The following SUPT3H variants were observed in gnomAD, a reference collection of about 807,000 sequenced individuals.
The protein encoded by SUPT3H is SPT3 homolog, SAGA and STAGA complex component.
A neutral mutation model predicts 44.3 loss-of-function variants in SUPT3H; 44 were observed. The ratio of observed to expected loss-of-function variants is 0.99; its 90% CI spans 0.78 to 1.28. The LOEUF is 1.28. Among genes scored for constraint, SUPT3H ranks in the 50% most tolerant of loss-of-function variants. The pLI is 0.00. For synonymous variants in SUPT3H, 124 were observed against 125.6 expected (o/e 0.99, Z 0.09); for missense variants, 380 against 387.1 (o/e 0.98, Z 0.15).
At chr6:45,079,625 G>A (rs1253168512) in intron 3 of SUPT3H, among the ~76,000 whole-genome samples, 1 of 152,160 alleles carries the variant, frequency 6.6e-6, no homozygotes, top group African/African-American at 2.4e-5. Flanking sequence ...GAACAGAAAA[G>A]AGAACCCAGA....
chr6:45,345,753 G>A (rs941870680), intron 2 of SUPT3H, among the ~76,000 whole-genome samples: 12 of 152,146 alleles, frequency 7.9e-5, no homozygotes, highest in Admixed American at 1.3e-4. Flanking sequence ...AATGCACACC[G>A]TACCTTTATC....
chr6:45,331,076 C>T (rs556662124), intron 2 of SUPT3H, among the ~76,000 whole-genome samples: 14 of 151,818 alleles, frequency 9.2e-5, no homozygotes, highest in African/African-American at 3.1e-4. Context: ...CACACATTAA[C>T]AACTGCTTCA....
intron 2 of SUPT3H, among the ~76,000 whole-genome samples, chr6:45,243,370 T>C (rs1047490245): frequency 6.6e-6 from 1 of 151,368 alleles, no homozygotes. Context: ...AGTCAGCCAA[T>C]GAAAAGAAAT....
intron 2 of SUPT3H, chr6:45,159,369 A>C (rs1000037781): frequency 1.3e-5 from 2 of 152,190 alleles, no homozygotes; most frequent in African/African-American, 2.4e-5. Context: ...TTGGCTGCCT[A>C]ATTAGGCCTC....
intron 10 of SUPT3H, among the ~76,000 whole-genome samples, chr6:44,918,082 T>C (rs1768094041): frequency 6.6e-6 from 1 of 152,122 alleles, no homozygotes; most frequent in Non-Finnish European, 1.5e-5. Flanking sequence ...AAATGATGCA[T>C]CATTTTGCCA....
At chr6:45,057,549 A>C (rs1009350013) in intron 3 of SUPT3H, among the ~76,000 whole-genome samples, 2 of 152,184 alleles carry the variant, frequency 1.3e-5, no homozygotes, top group Admixed American at 6.5e-5. Flanking sequence ...TGAAATGCTA[A>C]ACTAAGCTTT....
At chr6:44,970,288 T>C (rs1464152879) in intron 6 of SUPT3H, among the ~76,000 whole-genome samples, 1 of 152,150 alleles carries the variant, frequency 6.6e-6, no homozygotes, top group African/African-American at 2.4e-5. Flanking sequence ...AAAAACCATA[T>C]GTAATAAAAT....
At chr6:45,185,060 T>C (rs1019548846) in intron 2 of SUPT3H, among the ~76,000 whole-genome samples, 26 of 152,162 alleles carry the variant, frequency 1.7e-4, no homozygotes, top group African/African-American at 6.0e-4. Context: ...ATCTACCAGA[T>C]AGGCTAAGGG....
chr6:45,322,871 T>C (rs761193997), intron 2 of SUPT3H: 1 of 1,610,374 alleles, frequency 6.2e-7, no homozygotes, highest in Non-Finnish European at 8.5e-7. Flanking sequence ...GGAGAGCCTC[T>C]GTCTCACCTG....
At chr6:45,029,129 T>G (rs1786509837) in intron 3 of SUPT3H, among the ~76,000 whole-genome samples, 1 of 151,768 alleles carries the variant, frequency 6.6e-6, no homozygotes, top group African/African-American at 2.4e-5. Context: ...TGGTATTGTT[T>G]TCTTAGACAT....
intron 3 of SUPT3H, among the ~76,000 whole-genome samples, chr6:45,022,445 C>G (rs1237036560): frequency 6.8e-6 from 1 of 147,742 alleles, no homozygotes; most frequent in East Asian, 2.0e-4. Flanking sequence ...TTTTCAGAAC[C>G]AATACATGAC....
intron 11 of SUPT3H, among the ~76,000 whole-genome samples, chr6:44,816,641 T>A (rs1487514327): frequency 3.3e-5 from 5 of 152,218 alleles, no homozygotes; most frequent in Non-Finnish European, 7.3e-5. Context: ...CAAACTCATT[T>A]TATGAGCCTA....
intron 5 of SUPT3H, among the ~76,000 whole-genome samples, chr6:45,008,987 C>T (rs925707191): frequency 1.1e-4 from 16 of 152,058 alleles, no homozygotes; most frequent in Middle Eastern, 3.2e-3. Flanking sequence ...GTGATCCACC[C>T]GCTTCAGCCT....
At chr6:44,912,678 C>T (rs1445516727) in intron 10 of SUPT3H, among the ~76,000 whole-genome samples, 1 of 152,212 alleles carries the variant, frequency 6.6e-6, no homozygotes, top group Non-Finnish European at 1.5e-5. Context: ...CCCTTTACCT[C>T]TGGATTCCTA....
intron 10 of SUPT3H, among the ~76,000 whole-genome samples, chr6:44,903,931 C>A (rs2153449632): frequency 6.6e-6 from 1 of 152,172 alleles, no homozygotes; most frequent in East Asian, 1.9e-4. Context: ...TGGCAAAAAA[C>A]CATGATTATC....
At chr6:44,885,007 T>A (rs1319197951) in intron 10 of SUPT3H, among the ~76,000 whole-genome samples, 1 of 152,160 alleles carries the variant, frequency 6.6e-6, no homozygotes, top group Non-Finnish European at 1.5e-5. Flanking sequence ...GGAGTCTGGC[T>A]GATTGCTAGC....
intron 2 of SUPT3H, among the ~76,000 whole-genome samples, chr6:45,146,026 G>A (rs183941858): frequency 1.3e-5 from 2 of 152,170 alleles, no homozygotes; most frequent in African/African-American, 4.8e-5. Flanking sequence ...AATAGATGTT[G>A]GAGTGGATGT....
intron 2 of SUPT3H, among the ~76,000 whole-genome samples, chr6:45,320,312 G>C (rs928515467): frequency 3.3e-5 from 5 of 152,184 alleles, no homozygotes; most frequent in African/African-American, 1.2e-4. Context: ...CGCCCAGGCT[G>C]TAGTGCAGTG....
chr6:45,114,621 T>A (rs1800572350), intron 2 of SUPT3H, among the ~76,000 whole-genome samples: 1 of 152,168 alleles, frequency 6.6e-6, no homozygotes. Flanking sequence ...TTTACAAAAC[T>A]AGCAGAATAT....
Sources: gnomAD v4.1 joint callset for allele counts (sites outside exome capture counted in the v4.1 genomes callset) on GRCh38, gnomAD v4.1.1 for gene constraint, MANE v1.5 for transcripts, NCBI Gene and HGNC (gene_info 2026-07-23, HGNC 2026-07-21) for gene names.